FILIP1: variants seen among roughly 807,000 people sequenced by gnomAD.
The protein encoded by FILIP1 is filamin A interacting protein 1.
Under a neutral mutation model 102.1 loss-of-function variants are expected in FILIP1, and 61 were observed. That is an observed-to-expected ratio of 0.60 (90% CI 0.49 to 0.74). FILIP1 has a LOEUF of 0.74. Ranked by LOEUF, FILIP1 falls within the 30% of genes least tolerant of loss-of-function variation. The pLI, the probability that FILIP1 is intolerant of heterozygous loss-of-function variation, is 0.00. For synonymous variants in FILIP1, 491 were observed against 526.9 expected (o/e 0.93, Z 0.93); for missense variants, 1,314 against 1,441.2 (o/e 0.91, Z 1.43).
intron 1 of FILIP1, among the ~76,000 whole-genome samples, chr6:75,444,151 C>T (rs909580597): frequency 3.9e-5 from 6 of 152,154 alleles, no homozygotes; most frequent in African/African-American, 1.2e-4. Context: ...AGCATTGATC[C>T]CACCAAAAAA....
intron 2 of FILIP1, among the ~76,000 whole-genome samples, chr6:75,396,126 TATTTAAG>T (rs1400733786): frequency 2.0e-5 from 3 of 151,848 alleles, no homozygotes; most frequent in Non-Finnish European, 4.4e-5. Context: ...CTCCCAACAT[TATTTAAG>T]ATGGGAAATA....
At chr6:75,465,607 C>T (rs1435825782) in intron 1 of FILIP1, 4 of 387,102 alleles carry the variant, frequency 1.0e-5, no homozygotes, top group South Asian at 3.2e-5. Context: ...TCCCCTCATT[C>T]GATTTAAGCA....
chr6:75,376,971 C>A (rs1185536117), intron 2 of FILIP1, among the ~76,000 whole-genome samples: 2 of 152,118 alleles, frequency 1.3e-5, no homozygotes, highest in African/African-American at 4.8e-5. Context: ...AAATGTCTTA[C>A]TATTTTTTCT....
At chr6:75,441,155 G>A (rs1019150035) in intron 1 of FILIP1, among the ~76,000 whole-genome samples, 3 of 151,680 alleles carry the variant, frequency 2.0e-5, no homozygotes, top group Non-Finnish European at 4.4e-5. Context: ...GTGTCCCTGG[G>A]TACTTGAGAT....
chr6:75,339,885 T>C (rs769048062), intron 4 of FILIP1, among the ~76,000 whole-genome samples: 2 of 151,188 alleles, frequency 1.3e-5, no homozygotes, highest in African/African-American at 2.4e-5. Flanking sequence ...GAGGCAGAGG[T>C]TGCAGGGAGC....
At chr6:75,326,095 T>TAGATAGATTAGA (rs1554200298) in intron 4 of FILIP1, among the ~76,000 whole-genome samples, 2,135 of 144,904 alleles carry the variant, frequency 0.015, 42 homozygotes, top group African/African-American at 0.047. Flanking sequence ...GATAGATAGA[T>TAGATAGATTAGA]TAGATAGATA....
In FILIP1 at chr6:75,300,485, CA is replaced by C. The variant is rs377280778; in HGVS notation, c.3494-4536del. ...TGGCCTCAGAACAACTTGTCCACTGCAAAAATGTCCTACATTCTATTTACCT... is the reference window on the plus strand; with the variant it reads ...TGGCCTCAGAACAACTTGTCCACTGCAAAATGTCCTACATTCTATTTACCT... On this transcript the variant is annotated intron_variant, in intron 6 of 6. Coordinates refer to the FILIP1 transcript ENST00000393004. Among the ~76,000 whole-genome samples the C allele has an allele frequency of 2.2e-3, 332 of 152,296 alleles. 3 individuals are homozygous for C. Among genetic ancestry groups the C allele is most frequent in the African/African-American group, 7.7e-3 (320 of 41,562 alleles).
At chr6:75,445,529 T>A (rs1778418083) in intron 1 of FILIP1, among the ~76,000 whole-genome samples, 1 of 152,126 alleles carries the variant, frequency 6.6e-6, no homozygotes, top group African/African-American at 2.4e-5. Flanking sequence ...CTTTTCTTAC[T>A]CTCCTTGAAC....
chr6:75,349,119 G>T (rs758471115), intron 4 of FILIP1, among the ~76,000 whole-genome samples: 48 of 152,290 alleles, frequency 3.2e-4, no homozygotes, highest in Admixed American at 9.1e-4. Context: ...GGATTTGAAA[G>T]GGCTGATCTC....
chr6:75,365,464 G>A (rs1055442413), intron 2 of FILIP1, among the ~76,000 whole-genome samples: 2 of 152,108 alleles, frequency 1.3e-5, no homozygotes, highest in African/African-American at 4.8e-5. Flanking sequence ...TCCACCTCCC[G>A]GGTTCAAGCG....
intron 6 of FILIP1, chr6:75,296,475 T>TTTTTTTTATTATTA (rs565379089): frequency 1.0e-4 from 14 of 140,392 alleles, no homozygotes; most frequent in African/African-American, 3.7e-4. Flanking sequence ...ACTCTATATG[T>TTTTTTTTATTATTA]TTATTATTAT....
Position 75,314,117 on chromosome 6 carries a change from CTT to C in FILIP1, c.1713_1714del (p.Asp573Ter). On this transcript the variant is annotated frameshift_variant, in exon 5 of 6. Coordinates refer to ENST00000237172, the MANE Select transcript of FILIP1 (RefSeq NM_015687.5). LOFTEE classifies it high-confidence loss of function. The stretch of plus-strand genomic sequence containing the variant: ...TTTCAATTTGCCTATCAACTCATCT[CTT>C]TCTCTTGTCAAGTTGTATACTTTTT... The C allele has an allele frequency of 6.6e-7, 1 of 1,512,364 alleles. No individual in the cohort carries two copies. The allele number at this position is 1,512,364 out of a possible 1,614,324, so 93.7% of individuals were successfully genotyped here.
chr6:75,369,538 A>G (rs1013433684), intron 2 of FILIP1, among the ~76,000 whole-genome samples: 2 of 152,060 alleles, frequency 1.3e-5, no homozygotes, highest in Non-Finnish European at 2.9e-5. Context: ...ATGTCTGACG[A>G]CAATTTAACT....
chr6:75,442,247 A>C (rs113443700), intron 1 of FILIP1, among the ~76,000 whole-genome samples: 57,024 of 149,202 alleles, frequency 0.38, 10,866 homozygotes, highest in Non-Finnish European at 0.47. Context: ...GTGGCCGGGC[A>C]GAGACGCTCC....
At chr6:75,472,397 TC>T (rs1455993674) in intron 1 of FILIP1, among the ~76,000 whole-genome samples, 1 of 152,134 alleles carries the variant, frequency 6.6e-6, no homozygotes, top group African/African-American at 2.4e-5. Flanking sequence ...AATAGAACAG[TC>T]TTCCTCAAGT....
intron 6 of FILIP1, among the ~76,000 whole-genome samples, chr6:75,302,058 G>A (rs1243167608): frequency 6.6e-6 from 1 of 152,074 alleles, no homozygotes; most frequent in Non-Finnish European, 1.5e-5. Flanking sequence ...CGGAAAGGGT[G>A]AGGAAAGGGC....
At chr6:75,476,770 G>A (rs1779485823) in intron 1 of FILIP1, among the ~76,000 whole-genome samples, 1 of 152,130 alleles carries the variant, frequency 6.6e-6, no homozygotes, top group African/African-American at 2.4e-5. Flanking sequence ...CTGTTTCTGA[G>A]CATAGTAGAC....
chr6:75,364,851 T>C (rs1775276413), intron 2 of FILIP1, among the ~76,000 whole-genome samples: 1 of 152,218 alleles, frequency 6.6e-6, no homozygotes, highest in Non-Finnish European at 1.5e-5. Context: ...TTTCCGATCT[T>C]AAAAAGGTGT....
chr6:75,367,923 A>G (rs1309319355), intron 2 of FILIP1, among the ~76,000 whole-genome samples: 1 of 152,228 alleles, frequency 6.6e-6, no homozygotes, highest in Non-Finnish European at 1.5e-5. Context: ...AAATTTATCC[A>G]AAATAAGTTG....
Sources: allele counts gnomAD v4.1 joint callset (sites outside exome capture counted in the v4.1 genomes callset), GRCh38; gene constraint gnomAD v4.1.1; transcripts MANE v1.5; gene names NCBI Gene and HGNC (gene_info 2026-07-23, HGNC 2026-07-21).